The following TXLNB variants were observed in gnomAD, a reference collection of about 807,000 sequenced individuals.
The protein encoded by TXLNB is beta-taxilin.
In TXLNB, 37 loss-of-function variants were observed where a neutral mutation model predicts 57.4. The ratio of observed to expected loss-of-function variants is 0.64; its 90% CI spans 0.50 to 0.85. The LOEUF (loss-of-function observed/expected upper bound fraction) is 0.85, where lower values mean the gene tolerates loss of function less well. Among genes scored for constraint, TXLNB ranks in the 40% least tolerant of loss-of-function variants. TXLNB has a pLI of 0.00. For missense variants in TXLNB, 848 were observed against 825.6 expected (o/e 1.03, Z -0.33); for synonymous variants, 302 against 309.6 (o/e 0.98, Z 0.26).
In TXLNB at chr6:139,285,257, AACACACACACACACACAC is replaced by A. The variant is rs57409101; in HGVS notation, c.424+3201_424+3218del. Among the ~76,000 whole-genome samples, 30 of 119,996 alleles carry A rather than the reference AACACACACACACACACAC, an allele frequency of 2.5e-4. 5 individuals carry two copies. The highest frequency in any genetic ancestry group is 4.5e-4 in the Non-Finnish European group (25 of 55,540). 78.7% of individuals were successfully genotyped at this position (119,996 alleles called of 152,430 possible). On this transcript the variant is annotated intron_variant, in intron 2 of 9. Transcript: ENST00000358430. ...CTATTTTCTTCATATCTTTCCCCTC[AACACACACACACACACAC>A]ACACACACACACACACACACACACA...
the TXLNB span, among the ~76,000 whole-genome samples, chr6:139,198,970 CCTTT>C: frequency 3.5e-5 from 5 of 144,778 alleles, no homozygotes; most frequent in South Asian, 1.1e-3. Flanking sequence ...TTTCTTTCTT[CCTTT>C]TTTTTTTTTT....
chr6:139,314,927 C>T, the TXLNB span, among the ~76,000 whole-genome samples: 6 of 152,164 alleles, frequency 3.9e-5, no homozygotes, highest in African/African-American at 1.4e-4. Flanking sequence ...CCCTTCTTGC[C>T]TGGGGTCCAG....
the TXLNB span, among the ~76,000 whole-genome samples, chr6:139,323,440 G>A: frequency 6.6e-6 from 1 of 151,338 alleles, no homozygotes; most frequent in Non-Finnish European, 1.5e-5. Context: ...GTGCCACCAC[G>A]CCCAGCTAAT....
At chr6:139,191,158 G>C in the TXLNB span, among the ~76,000 whole-genome samples, 1 of 151,960 alleles carries the variant, frequency 6.6e-6, no homozygotes, top group East Asian at 1.9e-4. Flanking sequence ...GGTGGCTTAC[G>C]TCTGTAATCC....
chr6:139,244,506 T>C (rs1334778478), intron 9 of TXLNB, 89 bp downstream of exon 9: 2 of 900,170 alleles, frequency 2.2e-6, no homozygotes, highest in Non-Finnish European at 1.8e-6. Context: ...ACATAACCAT[T>C]TGTACTATTA....
chr6:139,268,430 T>C (rs1364908654), intron 4 of TXLNB, among the ~76,000 whole-genome samples: 1 of 152,168 alleles, frequency 6.6e-6, no homozygotes, highest in Non-Finnish European at 1.5e-5. Flanking sequence ...ACCCAACATC[T>C]GAAAAACATT....
At chr6:139,231,710 T>A in the TXLNB span, among the ~76,000 whole-genome samples, 1 of 152,080 alleles carries the variant, frequency 6.6e-6, no homozygotes, top group African/African-American at 2.4e-5. Flanking sequence ...AATCCTTACA[T>A]ATCTAGTAAG....
At chr6:139,204,414 C>T in the TXLNB span, among the ~76,000 whole-genome samples, 1 of 152,292 alleles carries the variant, frequency 6.6e-6, no homozygotes, top group East Asian at 1.9e-4. Context: ...TCCCACTCTG[C>T]AGCACTCCCA....
At chr6:139,309,108 C>T in the TXLNB span, among the ~76,000 whole-genome samples, 1 of 152,178 alleles carries the variant, frequency 6.6e-6, no homozygotes, top group African/African-American at 2.4e-5. Context: ...TGCAATGATG[C>T]AGGGAGCAGA....
At chr6:139,208,104 A>C in the TXLNB span, among the ~76,000 whole-genome samples, 1 of 152,014 alleles carries the variant, frequency 6.6e-6, no homozygotes, top group South Asian at 2.1e-4. Flanking sequence ...AGAGAGAGAA[A>C]CTGGAAATAT....
intron 7 of TXLNB, among the ~76,000 whole-genome samples, chr6:139,249,178 G>A (rs1348343828): frequency 6.6e-6 from 1 of 152,174 alleles, no homozygotes; most frequent in African/African-American, 2.4e-5. Context: ...CATTCGGGGT[G>A]GAAATGGGGC....
chr6:139,257,310 A>G (rs1776369754), intron 6 of TXLNB, among the ~76,000 whole-genome samples: 1 of 152,134 alleles, frequency 6.6e-6, no homozygotes, highest in Non-Finnish European at 1.5e-5. Flanking sequence ...AGCTACTCAT[A>G]TCTAGTTTGA....
At position 139,276,935 on chromosome 6, in the gene TXLNB, G is replaced by C. The variant is rs1776913553; in HGVS notation, c.425-14C>G. The C allele has an allele frequency of 1.7e-5, 26 of 1,517,114 alleles. No homozygotes were observed. The highest frequency in any genetic ancestry group is 2.3e-5 in the Non-Finnish European group (26 of 1,118,198). The allele number at this position is 1,517,114 out of a possible 1,614,324, so 94.0% of individuals were successfully genotyped here. Reference sequence around the variant, plus strand: ...TGGCTTCTTTGCCTTAAAAAAAAAAGACATGAAAAAAATAAGTGTTGAATT... The same window carrying C: ...TGGCTTCTTTGCCTTAAAAAAAAAACACATGAAAAAAATAAGTGTTGAATT... On this transcript the variant is annotated splice_polypyrimidine_tract_variant and intron_variant, in intron 2 of 9. Coordinates refer to ENST00000358430, the MANE Select transcript of TXLNB (RefSeq NM_153235.4).
the TXLNB span, among the ~76,000 whole-genome samples, chr6:139,223,766 G>A: frequency 3.3e-5 from 5 of 152,182 alleles, no homozygotes; most frequent in Non-Finnish European, 7.3e-5. Flanking sequence ...ACACCAGTTA[G>A]AATGGCAATC....
chr6:139,318,991 G>A, the TXLNB span, among the ~76,000 whole-genome samples: 1 of 139,142 alleles, frequency 7.2e-6, no homozygotes, highest in African/African-American at 2.7e-5. Flanking sequence ...CACCCAGGCT[G>A]GAGTGCAATG....
chr6:139,181,913 T>A, the TXLNB span, among the ~76,000 whole-genome samples: 1 of 152,228 alleles, frequency 6.6e-6, no homozygotes, highest in Admixed American at 6.5e-5. Context: ...ACAATAAACA[T>A]ACAATTTTAA....
the TXLNB span, among the ~76,000 whole-genome samples, chr6:139,212,502 C>G: frequency 7.4e-4 from 113 of 151,820 alleles, no homozygotes; most frequent in Admixed American, 1.7e-3. Flanking sequence ...AAGGAACAAC[C>G]GGTACCAGCC....
the TXLNB span, chr6:139,174,438 A>G: frequency 1.2e-6 from 2 of 1,614,042 alleles, no homozygotes; most frequent in Admixed American, 1.7e-5. Flanking sequence ...AGGGGTTCAC[A>G]AGATCATCTG....
the TXLNB span, chr6:139,174,346 C>T: frequency 6.4e-7 from 1 of 1,563,132 alleles, no homozygotes; most frequent in East Asian, 2.3e-5. Flanking sequence ...ATGTGATTTC[C>T]ATGATGGCCA....
Sources: allele counts gnomAD v4.1 joint callset (sites outside exome capture counted in the v4.1 genomes callset), GRCh38; gene constraint gnomAD v4.1.1; transcripts MANE v1.5; gene names NCBI Gene and HGNC (gene_info 2026-07-23, HGNC 2026-07-21).